LRCH3: variants seen among roughly 807,000 people sequenced by gnomAD.
LRCH3 encodes DISP complex protein LRCH3.
A neutral mutation model predicts 104.5 loss-of-function variants in LRCH3; 68 were observed. The observed-to-expected ratio is 0.65, with a 90% CI of 0.54 to 0.80. The LOEUF is 0.80. Among genes scored for constraint, LRCH3 ranks in the 30% least tolerant of loss-of-function variants. LRCH3 has a pLI of 0.00. For synonymous variants in LRCH3, 344 were observed against 361.3 expected, an observed-to-expected ratio of 0.95 and a Z score of 0.54; for missense variants, 951 against 953.9, an observed-to-expected ratio of 1.00 and a Z score of 0.04.
chr3:197,859,030 A>G, intron 15 of LRCH3, 125 bp downstream of exon 15: 1 of 742,230 alleles, frequency 1.3e-6, no homozygotes, highest in Non-Finnish European at 2.4e-6. Context: ...CTGTTTATGG[A>G]ACTATTTGTT....
chr3:197,844,624 T>G (rs56256465), intron 10 of LRCH3, among the ~76,000 whole-genome samples: 3 of 84,442 alleles, frequency 3.6e-5, no homozygotes, highest in African/African-American at 7.2e-5. Context: ...AGGTTTTTTG[T>G]TTTTTTTTTT....
At chr3:197,829,480 ATG>A in intron 5 of LRCH3, 82 bp from the exon 6 acceptor site, 1 of 767,912 alleles carries the variant, frequency 1.3e-6, no homozygotes, top group Non-Finnish European at 2.1e-6. Context: ...TTCCCAATGT[ATG>A]TTACATAAAA....
chr3:197,838,208 C>T (rs769592248), intron 9 of LRCH3, among the ~76,000 whole-genome samples: 2 of 152,212 alleles, frequency 1.3e-5, no homozygotes, highest in African/African-American at 2.4e-5. Context: ...CTGCTTGAGC[C>T]CGGCAGTTTG....
In LRCH3 at chr3:197,884,974, C is replaced by T. The variant is rs1284330418; in HGVS notation, c.*1308C>T. The stretch of plus-strand genomic sequence containing the variant: ...TTGTATTTAAGGTCAGTATTCTAGG[C>T]CTCCCTTCAACTGCAGTCATACCAT... On this transcript the variant is annotated 3_prime_UTR_variant, in exon 21 of 21. Coordinates refer to ENST00000425562, the MANE Select transcript of LRCH3 (RefSeq NM_001365715.1). 1.3e-5 allele frequency: 2 copies of T among 152,152 alleles called. No homozygotes were observed. Among genetic ancestry groups the T allele is most frequent in the Non-Finnish European group, 2.9e-5 (2 of 68,050 alleles). The allele number at this position is 152,152 out of a possible 1,614,324, so 9.4% of individuals were successfully genotyped here.
At chr3:197,830,749 A>G (rs1420916993) in intron 6 of LRCH3, 21 bp from the exon 7 acceptor site, 1 of 1,588,358 alleles carries the variant, frequency 6.3e-7, no homozygotes, top group Non-Finnish European at 8.6e-7. Flanking sequence ...ACTTTGCAGT[A>G]ACAGAGTCTC....
chr3:197,850,618 C>T (rs1739457699), intron 12 of LRCH3: 3 of 1,578,776 alleles, frequency 1.9e-6, no homozygotes, highest in East Asian at 4.5e-5. Context: ...TGCTCAATGA[C>T]CAGAGAATCT....
chr3:197,850,839 A>G lies in LRCH3; in HGVS notation c.1531-1722A>G. ...ATACTTCGTGGCTTTTCGTATATGC[A>G]TACCCTTGGTGGCCTGAGCAGTTCC... On this transcript the variant is annotated intron_variant, in intron 12 of 20. Transcript: ENST00000425562. 16 of 1,052,696 alleles carry G rather than the reference A, an allele frequency of 1.5e-5. No individual in the cohort carries two copies. In the South Asian group the frequency reaches 1.6e-4, roughly 11 times the overall value. The allele number at this position is 1,052,696 out of a possible 1,614,324, so 65.2% of individuals were successfully genotyped here.
chr3:197,852,979 A>G (rs1314368751), intron 13 of LRCH3, among the ~76,000 whole-genome samples: 1 of 152,138 alleles, frequency 6.6e-6, no homozygotes, highest in African/African-American at 2.4e-5. Flanking sequence ...CTTACATAGG[A>G]TTTCAGATTC....
At chr3:197,845,317 AG>A (rs1738493012) in intron 10 of LRCH3, among the ~76,000 whole-genome samples, 2 of 150,522 alleles carry the variant, frequency 1.3e-5, no homozygotes, top group African/African-American at 4.9e-5. Context: ...AAGCTGAGGT[AG>A]GATTGCTTAA....
chr3:197,865,151 C>T (rs1448622718), intron 15 of LRCH3, among the ~76,000 whole-genome samples: 1 of 152,078 alleles, frequency 6.6e-6, no homozygotes. Flanking sequence ...CAATGCCTGA[C>T]CAATTTTTTA....
At chr3:197,872,361 A>G (rs1358894365) in intron 19 of LRCH3, among the ~76,000 whole-genome samples, 1 of 26,518 alleles carries the variant, frequency 3.8e-5, no homozygotes, top group African/African-American at 2.6e-4. Flanking sequence ...TGTCTCAAAG[A>G]AAAAAAAAAA....
intron 1 of LRCH3, among the ~76,000 whole-genome samples, chr3:197,794,595 G>A (rs752854890): frequency 1.1e-4 from 16 of 152,218 alleles, no homozygotes; most frequent in Non-Finnish European, 1.9e-4. Flanking sequence ...TGGTAGAGCT[G>A]TTGTCCTTCA....
At chr3:197,852,654 G>C in intron 13 of LRCH3, 34 bp downstream of exon 13, 1 of 1,592,446 alleles carries the variant, frequency 6.3e-7, no homozygotes, top group African/African-American at 1.3e-5. Flanking sequence ...CTTTGGAGTT[G>C]ATTATTTTTG....
chr3:197,830,658 AATAGTT>A, intron 6 of LRCH3, 106 bp from the exon 7 acceptor site: 1 of 785,490 alleles, frequency 1.3e-6, no homozygotes, highest in Non-Finnish European at 2.1e-6. Context: ...ATTTAGTTCT[AATAGTT>A]AAGTGACTGC....
chr3:197,858,772 G>A (rs1740558474), intron 14 of LRCH3, 62 bp from the exon 15 acceptor site: 2 of 1,331,682 alleles, frequency 1.5e-6, no homozygotes, highest in Admixed American at 1.7e-5. Context: ...AGATCTGCCT[G>A]CCTGACATTT....
At chr3:197,848,707 G>A (rs1739129636) in intron 12 of LRCH3, among the ~76,000 whole-genome samples, 1 of 152,120 alleles carries the variant, frequency 6.6e-6, no homozygotes, top group Non-Finnish European at 1.5e-5. Context: ...ACCTTAGCAG[G>A]TCTTAGCTCA....
chr3:197,816,871 G>A (rs554022732), intron 2 of LRCH3, among the ~76,000 whole-genome samples: 3 of 152,152 alleles, frequency 2.0e-5, no homozygotes, highest in East Asian at 1.9e-4. Context: ...ATAATACTAT[G>A]TTTATGTAGT....
chr3:197,881,024 C>T (rs1713714320), intron 20 of LRCH3: 1 of 1,204,736 alleles, frequency 8.3e-7, no homozygotes, highest in African/African-American at 1.5e-5. Flanking sequence ...CAATTCTGAA[C>T]TTGTACTTCG....
At chr3:197,876,940 C>T (rs1406251516) in intron 20 of LRCH3, among the ~76,000 whole-genome samples, 221 of 38,194 alleles carry the variant, frequency 5.8e-3, no homozygotes, top group African/African-American at 0.026. Context: ...CCCAACTCAC[C>T]GCACCCATGG....
Sources: allele counts gnomAD v4.1 joint callset (sites outside exome capture counted in the v4.1 genomes callset), GRCh38; gene constraint gnomAD v4.1.1; transcripts MANE v1.5; gene names NCBI Gene and HGNC (gene_info 2026-07-23, HGNC 2026-07-21).